Variants in KCNQ5 observed in about 807,000 individuals in gnomAD.
KCNQ5 encodes the protein potassium voltage-gated channel subfamily Q member 5.
Under a neutral mutation model 98.2 loss-of-function variants are expected in KCNQ5, and 30 were observed. That is an observed-to-expected ratio of 0.31 (90% CI 0.23 to 0.41). KCNQ5 has a LOEUF of 0.41. KCNQ5 is among the 10% of genes least tolerant of loss of function. The probability of loss-of-function intolerance (pLI) is 1.00; values close to 1 mark genes in which losing one functional copy is unlikely to be tolerated. For synonymous variants in KCNQ5, 458 were observed against 449.4 expected (o/e 1.02, Z -0.24); for missense variants, 835 against 1,182.5 (o/e 0.71, Z 4.31).
intron 3 of KCNQ5, among the ~76,000 whole-genome samples, chr6:73,051,936 A>G (rs1481505562): frequency 4.6e-5 from 7 of 152,166 alleles, no homozygotes. Flanking sequence ...ATAGGAACAG[A>G]GATCACTGAG....
At chr6:72,895,484 GAAGA>G (rs2150187448) in intron 1 of KCNQ5, among the ~76,000 whole-genome samples, 1 of 151,666 alleles carries the variant, frequency 6.6e-6, no homozygotes, top group African/African-American at 2.4e-5. Flanking sequence ...TGAAGGAAAA[GAAGA>G]AAGGGTGCAG....
chr6:72,811,737 AG>A (rs1199529962), intron 1 of KCNQ5, among the ~76,000 whole-genome samples: 1 of 152,174 alleles, frequency 6.6e-6, no homozygotes, highest in Non-Finnish European at 1.5e-5. Flanking sequence ...GTTACCGGAA[AG>A]GGTCCCAGTT....
At chr6:72,978,031 C>T (rs1418805663) in intron 1 of KCNQ5, among the ~76,000 whole-genome samples, 1 of 152,142 alleles carries the variant, frequency 6.6e-6, no homozygotes, top group East Asian at 1.9e-4. Flanking sequence ...GTTTTCTGTT[C>T]TCATGGAGGA....
At chr6:72,702,615 C>T (rs564513842) in intron 1 of KCNQ5, among the ~76,000 whole-genome samples, 4 of 152,238 alleles carry the variant, frequency 2.6e-5, no homozygotes, top group Admixed American at 1.3e-4. Flanking sequence ...GCCCTGAGGA[C>T]TGTGAAGCAT....
chr6:72,784,955 A>G (rs1025030389), intron 1 of KCNQ5, among the ~76,000 whole-genome samples: 1 of 152,190 alleles, frequency 6.6e-6, no homozygotes, highest in East Asian at 1.9e-4. Flanking sequence ...AAAGGAAAAT[A>G]ATACATCTAA....
chr6:72,679,824 G>C (rs1767610189), intron 1 of KCNQ5, among the ~76,000 whole-genome samples: 1 of 152,138 alleles, frequency 6.6e-6, no homozygotes, highest in Non-Finnish European at 1.5e-5. Context: ...GATCGCCCTA[G>C]GTCAGGAGTT....
At chr6:72,876,857 A>T (rs1390841180) in intron 1 of KCNQ5, among the ~76,000 whole-genome samples, 1 of 152,140 alleles carries the variant, frequency 6.6e-6, no homozygotes, top group Non-Finnish European at 1.5e-5. Context: ...GCAGATTTGG[A>T]TTATGGCGAG....
At chr6:72,832,742 A>C (rs1223568425) in intron 1 of KCNQ5, among the ~76,000 whole-genome samples, 1 of 152,190 alleles carries the variant, frequency 6.6e-6, no homozygotes, top group Non-Finnish European at 1.5e-5. Flanking sequence ...CAAGAATGAC[A>C]ATTTGGGAGC....
intron 5 of KCNQ5, among the ~76,000 whole-genome samples, chr6:73,097,319 A>G (rs1774554451): frequency 6.6e-6 from 1 of 151,834 alleles, no homozygotes; most frequent in Non-Finnish European, 1.5e-5. Flanking sequence ...GAAAACATGC[A>G]GTATTTACCT....
chr6:73,165,315 C>T (rs1020664987), intron 10 of KCNQ5, among the ~76,000 whole-genome samples: 2 of 152,112 alleles, frequency 1.3e-5, no homozygotes, highest in African/African-American at 4.8e-5. Flanking sequence ...GTTTGTTATT[C>T]AATATTTCCT....
intron 5 of KCNQ5, among the ~76,000 whole-genome samples, chr6:73,096,641 T>C (rs997203797): frequency 1.3e-5 from 2 of 152,244 alleles, no homozygotes; most frequent in Admixed American, 6.5e-5. Context: ...TGAGAAATTA[T>C]AGTTGTATAT....
intron 1 of KCNQ5, among the ~76,000 whole-genome samples, chr6:72,704,404 T>A (rs1036680771): frequency 6.6e-6 from 1 of 152,050 alleles, no homozygotes; most frequent in Non-Finnish European, 1.5e-5. Context: ...TACTCTGGGT[T>A]TTTTTTTCCC....
At chr6:72,901,918 A>G (rs1205500923) in intron 1 of KCNQ5, among the ~76,000 whole-genome samples, 1 of 152,138 alleles carries the variant, frequency 6.6e-6, no homozygotes, top group African/African-American at 2.4e-5. Flanking sequence ...ATTGCATTGA[A>G]TTTATAGATT....
chr6:72,986,325 T>C (rs906409861), intron 1 of KCNQ5: 15 of 344,094 alleles, frequency 4.4e-5, no homozygotes, highest in Non-Finnish European at 7.0e-5. Flanking sequence ...CAGGCTCTCA[T>C]GTGGAGGTGG....
At chr6:72,683,003 T>G (rs1767780098) in intron 1 of KCNQ5, among the ~76,000 whole-genome samples, 1 of 152,210 alleles carries the variant, frequency 6.6e-6, no homozygotes, top group African/African-American at 2.4e-5. Flanking sequence ...TAAGGATGGC[T>G]CTGCCCTCAG....
intron 1 of KCNQ5, among the ~76,000 whole-genome samples, chr6:72,725,683 A>C (rs1003315528): frequency 6.6e-6 from 1 of 152,200 alleles, no homozygotes; most frequent in Admixed American, 6.5e-5. Flanking sequence ...TGTTTTCACC[A>C]CAAAAAAAAT....
At chr6:72,938,540 C>A (rs9442871) in intron 1 of KCNQ5, among the ~76,000 whole-genome samples, 2 of 104,476 alleles carry the variant, frequency 1.9e-5, no homozygotes, top group Non-Finnish European at 4.0e-5. Flanking sequence ...CCACCACACC[C>A]GGCTAATTCT....
At chr6:72,871,870 T>C (rs1047497274) in intron 1 of KCNQ5, among the ~76,000 whole-genome samples, 1 of 152,188 alleles carries the variant, frequency 6.6e-6, no homozygotes, top group African/African-American at 2.4e-5. Context: ...TGTAACCTCA[T>C]ATTTTTTCCT....
chr6:73,032,546 C>T (rs888104791), intron 2 of KCNQ5, among the ~76,000 whole-genome samples: 1 of 152,162 alleles, frequency 6.6e-6, no homozygotes, highest in Admixed American at 6.5e-5. Flanking sequence ...CAAATGAAAA[C>T]TTGGTTTGAT....
Sources: allele counts gnomAD v4.1 joint callset (sites outside exome capture counted in the v4.1 genomes callset), GRCh38; gene constraint gnomAD v4.1.1; transcripts MANE v1.5; gene names NCBI Gene and HGNC (gene_info 2026-07-23, HGNC 2026-07-21).